TMPRSS15: variants seen among roughly 807,000 people sequenced by gnomAD.
The protein encoded by TMPRSS15 is transmembrane serine protease 15, also known as enteropeptidase.
TMPRSS15 carries 128 observed loss-of-function variants against 125.3 expected under a neutral mutation model. The ratio of observed to expected loss-of-function variants is 1.02; its 90% CI spans 0.89 to 1.18. TMPRSS15 has a LOEUF of 1.18. Ranked by LOEUF, TMPRSS15 falls within the 50% of genes most tolerant of loss-of-function variation. The probability of loss-of-function intolerance (pLI) is 0.00; values close to 1 mark genes in which losing one functional copy is unlikely to be tolerated. For missense variants in TMPRSS15, 1,283 were observed against 1,212.7 expected (o/e 1.06, Z -0.86); for synonymous variants, 446 against 423.2 (o/e 1.05, Z -0.66).
chr21:18,351,719 T>C (rs2075571427), intron 10 of TMPRSS15, among the ~76,000 whole-genome samples: 1 of 152,140 alleles, frequency 6.6e-6, no homozygotes, highest in South Asian at 2.1e-4. Context: ...TATGGCAGTG[T>C]GAAAATGGAC....
At chr21:18,327,488 A>T (rs2075303525) in intron 15 of TMPRSS15, among the ~76,000 whole-genome samples, 2 of 152,182 alleles carry the variant, frequency 1.3e-5, no homozygotes, top group Non-Finnish European at 2.9e-5. Flanking sequence ...TCTCCCAGGA[A>T]GCTCACACTC....
At chr21:18,335,868 C>G (rs1440287173) in intron 13 of TMPRSS15, among the ~76,000 whole-genome samples, 1 of 151,682 alleles carries the variant, frequency 6.6e-6, no homozygotes, top group African/African-American at 2.4e-5. Flanking sequence ...GTAAAACATC[C>G]TCAGCCAGGG....
intron 17 of TMPRSS15, among the ~76,000 whole-genome samples, chr21:18,314,814 A>G (rs2075143992): frequency 6.6e-6 from 1 of 152,126 alleles, no homozygotes. Context: ...ACAAACAGAA[A>G]ACAGTAGCCA....
intron 1 of TMPRSS15, among the ~76,000 whole-genome samples, chr21:18,470,109 TCAGGAA>T (rs1337225118): frequency 1.3e-5 from 2 of 151,942 alleles, no homozygotes; most frequent in Non-Finnish European, 2.9e-5. Flanking sequence ...TACTATAGAG[TCAGGAA>T]TACTGGAGCA....
chr21:18,283,363 A>AT (rs35326743), intron 21 of TMPRSS15, among the ~76,000 whole-genome samples: 36 of 151,496 alleles, frequency 2.4e-4, no homozygotes, highest in South Asian at 1.9e-3. Context: ...AAATTGTATG[A>AT]TTTTTTTTTT....
chr21:18,333,144 T>A (rs1389055428), intron 13 of TMPRSS15, among the ~76,000 whole-genome samples: 2 of 152,060 alleles, frequency 1.3e-5, no homozygotes, highest in Non-Finnish European at 2.9e-5. Flanking sequence ...CACTTGTGAG[T>A]ACTAGGCTTA....
chr21:18,468,204 C>T (rs1291503370), intron 1 of TMPRSS15, among the ~76,000 whole-genome samples: 1 of 151,972 alleles, frequency 6.6e-6, no homozygotes, highest in Non-Finnish European at 1.5e-5. Flanking sequence ...CTATTTCAAC[C>T]CACTCATTTT....
At chr21:18,270,431 A>G (rs897581002) in intron 24 of TMPRSS15, among the ~76,000 whole-genome samples, 2 of 152,170 alleles carry the variant, frequency 1.3e-5, no homozygotes, top group Non-Finnish European at 2.9e-5. Context: ...CACAACTATG[A>G]AAAGCATCCC....
At chr21:18,333,094 A>T (rs564074060) in intron 13 of TMPRSS15, among the ~76,000 whole-genome samples, 1 of 152,190 alleles carries the variant, frequency 6.6e-6, no homozygotes, top group South Asian at 2.1e-4. Flanking sequence ...GGCCTTTCGG[A>T]GGGTGGAGAG....
chr21:18,408,473 T>C (rs138666052), upstream of TMPRSS15, among the ~76,000 whole-genome samples: 2 of 152,290 alleles, frequency 1.3e-5, no homozygotes, highest in East Asian at 3.9e-4. Flanking sequence ...ACTTCTTTTT[T>C]CTCCAAAAAT....
chr21:18,414,385 CTT>C (rs1409966873), intron 1 of TMPRSS15, among the ~76,000 whole-genome samples: 1 of 152,132 alleles, frequency 6.6e-6, no homozygotes, highest in African/African-American at 2.4e-5. Flanking sequence ...GCTTTCAACT[CTT>C]TCTTACCAAA....
chr21:18,329,427 A>G (rs923120640), intron 14 of TMPRSS15, 133 bp from the exon 15 acceptor site: 14 of 859,778 alleles, frequency 1.6e-5, no homozygotes, highest in Non-Finnish European at 2.4e-5. Flanking sequence ...TCAGTGTTTC[A>G]AGGTGTTTCT....
At chr21:18,436,785 A>T (rs1374027090) in intron 1 of TMPRSS15, among the ~76,000 whole-genome samples, 2 of 126,280 alleles carry the variant, frequency 1.6e-5, no homozygotes, top group African/African-American at 6.0e-5. Context: ...TCAATGAAAT[A>T]AAAGAGGATA....
chr21:18,417,010 T>C (rs2076181945), intron 1 of TMPRSS15, among the ~76,000 whole-genome samples: 1 of 152,108 alleles, frequency 6.6e-6, no homozygotes, highest in African/African-American at 2.4e-5. Flanking sequence ...TGACTAATAA[T>C]ACAATTAATT....
intron 11 of TMPRSS15, 131 bp downstream of exon 11, chr21:18,343,824 A>T (rs2075476374): frequency 4.4e-6 from 5 of 1,135,490 alleles, no homozygotes; most frequent in Admixed American, 3.6e-5. Context: ...ATTGCTTATC[A>T]GTTGGGAAAA....
intron 17 of TMPRSS15, among the ~76,000 whole-genome samples, chr21:18,313,438 A>G (rs114931165): frequency 0.018 from 2,652 of 150,986 alleles, 76 homozygotes; most frequent in African/African-American, 0.061. Context: ...TATATATTAT[A>G]TATAATAACA....
At chr21:18,461,370 T>A (rs1442173692) in intron 1 of TMPRSS15, among the ~76,000 whole-genome samples, 2 of 152,176 alleles carry the variant, frequency 1.3e-5, no homozygotes, top group Non-Finnish European at 2.9e-5. Context: ...AGCACTCACA[T>A]AAAGCCTTCT....
intron 10 of TMPRSS15, among the ~76,000 whole-genome samples, chr21:18,351,949 T>A (rs1257263911): frequency 6.6e-6 from 1 of 152,138 alleles, no homozygotes; most frequent in Admixed American, 6.6e-5. Context: ...CCTTAATGCC[T>A]AGAACCATAG....
At chr21:18,348,517 G>A (rs2075532503) in intron 10 of TMPRSS15, among the ~76,000 whole-genome samples, 1 of 152,130 alleles carries the variant, frequency 6.6e-6, no homozygotes. Context: ...GAACCTAGTA[G>A]ATAAATATTA....
Sources: allele counts gnomAD v4.1 joint callset (sites outside exome capture counted in the v4.1 genomes callset), GRCh38; gene constraint gnomAD v4.1.1; transcripts MANE v1.5; gene names NCBI Gene and HGNC (gene_info 2026-07-23, HGNC 2026-07-21).